ATP2C2: variants seen among roughly 807,000 people sequenced by gnomAD.
ATP2C2 encodes ATPase secretory pathway Ca2+ transporting 2.
Under a neutral mutation model 110.8 loss-of-function variants are expected in ATP2C2, and 171 were observed. The observed-to-expected ratio is 1.54, with a 90% CI of 1.36 to 1.75. The LOEUF (loss-of-function observed/expected upper bound fraction) is 1.75, where lower values mean the gene tolerates loss of function less well. Ranked by LOEUF, ATP2C2 falls within the 40% of genes most tolerant of loss-of-function variation. The pLI, the probability that ATP2C2 is intolerant of heterozygous loss-of-function variation, is 0.00. For missense variants in ATP2C2, 1,963 were observed against 1,235.0 expected (o/e 1.59, Z -8.84); for synonymous variants, 804 against 508.4 (o/e 1.58, Z -7.82).
intron 26 of ATP2C2, among the ~76,000 whole-genome samples, chr16:84,463,272 A>G (rs1474639230): frequency 6.6e-6 from 1 of 152,028 alleles, no homozygotes; most frequent in Non-Finnish European, 1.5e-5. Flanking sequence ...CAGACTGGTC[A>G]CTCAGGACAT....
intron 2 of ATP2C2, among the ~76,000 whole-genome samples, chr16:84,402,240 C>T (rs1597769245): frequency 6.6e-6 from 1 of 152,128 alleles, no homozygotes; most frequent in African/African-American, 2.4e-5. Flanking sequence ...TAGGTTTTTT[C>T]AGATATAAGA....
rs534490217 is a variant in ATP2C2 at position 84,427,600 on chromosome 16, C to A, written c.986+1799C>A. 1.8e-4 allele frequency among the ~76,000 whole-genome samples: 28 copies of A among 152,166 alleles called. No homozygotes were observed. The South Asian group carries it at 5.4e-3, about 29-fold the overall frequency. On this transcript the variant is annotated intron_variant, in intron 11 of 26. Transcript: ENST00000262429. ...GGTGTGGTGGCAGGCACCTAAAATC[C>A]CAGCTACTCGGGAGGCTGAGGCAGA...
intron 18 of ATP2C2, among the ~76,000 whole-genome samples, chr16:84,452,581 C>A (rs1910391663): frequency 6.6e-6 from 1 of 151,048 alleles, no homozygotes; most frequent in Non-Finnish European, 1.5e-5. Flanking sequence ...TCACTGCAAC[C>A]TCCACCTCCT....
intron 3 of ATP2C2, among the ~76,000 whole-genome samples, chr16:84,406,368 C>T (rs1434986609): frequency 6.6e-6 from 1 of 152,226 alleles, no homozygotes; most frequent in African/African-American, 2.4e-5. Context: ...ATTTAGATGG[C>T]CTTAGATCCC....
chr16:84,426,281 C>A (rs1907809675), intron 11 of ATP2C2, among the ~76,000 whole-genome samples: 2 of 152,040 alleles, frequency 1.3e-5, no homozygotes, highest in South Asian at 4.2e-4. Flanking sequence ...ACAATTAGAT[C>A]TCTCAGGAAC....
At chr16:84,440,118 G>A (rs531885219) in intron 13 of ATP2C2, among the ~76,000 whole-genome samples, 3 of 152,330 alleles carry the variant, frequency 2.0e-5, no homozygotes, top group South Asian at 2.1e-4. Flanking sequence ...GATTACAGGC[G>A]TGAGCCACCA....
chr16:84,408,980 A>G (rs541452031), intron 4 of ATP2C2, among the ~76,000 whole-genome samples: 43 of 152,150 alleles, frequency 2.8e-4, no homozygotes, highest in African/African-American at 8.7e-4. Context: ...GTTCCAAAAC[A>G]TTTTCATCAC....
At chr16:84,403,464 A>G (rs765138222) in intron 2 of ATP2C2, among the ~76,000 whole-genome samples, 1 of 151,052 alleles carries the variant, frequency 6.6e-6, no homozygotes, top group Non-Finnish European at 1.5e-5. Flanking sequence ...TGCCACCACA[A>G]TGGGCTAATT....
At chr16:84,401,730 A>C (rs1905336050) in intron 2 of ATP2C2, among the ~76,000 whole-genome samples, 1 of 152,138 alleles carries the variant, frequency 6.6e-6, no homozygotes, top group Non-Finnish European at 1.5e-5. Flanking sequence ...TTGGTTACTA[A>C]AGCTCTGCAG....
chr16:84,406,342 C>T (rs1004412714), intron 3 of ATP2C2, among the ~76,000 whole-genome samples: 1 of 152,236 alleles, frequency 6.6e-6, no homozygotes, highest in African/African-American at 2.4e-5. Context: ...GCAGAATTTT[C>T]CAGGTGCCTG....
rs754492893 is a variant in ATP2C2, at chr16:84,453,320, G to A, written c.1930-1G>A. On this transcript the variant is annotated splice_acceptor_variant, in intron 19 of 26. Transcript: ENST00000262429. LOFTEE classifies it high-confidence loss of function. ...TTCGTCTTCCCCGTCTCCGTGTCCAGGTGTCCGTGTTCTTCAGGACCAGCC... is the reference window on the plus strand; with the variant it reads ...TTCGTCTTCCCCGTCTCCGTGTCCAAGTGTCCGTGTTCTTCAGGACCAGCC... 1 of 1,614,170 alleles carries A rather than the reference G, an allele frequency of 6.2e-7. No homozygotes were observed. The highest frequency in any genetic ancestry group is 1.1e-5 in the South Asian group (1 of 91,078).
Position 84,412,414 on chromosome 16 carries a change from C to G in ATP2C2, c.515+1649C>G, listed in dbSNP as rs111660024. ...TGTCTGTGTGTGTCTGTGCATGTGT[C>G]TGTGTATGTGTGTGCGTGTGTGTAT... is the stretch of plus-strand genomic sequence containing the variant. On this transcript the variant is annotated intron_variant, in intron 6 of 26. Transcript: ENST00000262429. Among the ~76,000 whole-genome samples the G allele has an allele frequency of 3.4e-5, 5 of 146,868 alleles. No homozygotes were observed. In the East Asian group the frequency reaches 6.1e-4, roughly 18 times the overall value.
chr16:84,437,353 C>A (rs1229816582), intron 11 of ATP2C2, among the ~76,000 whole-genome samples: 2 of 151,762 alleles, frequency 1.3e-5, no homozygotes, highest in African/African-American at 4.8e-5. Context: ...ACTGCCACAC[C>A]CAGCTAATTT....
intron 21 of ATP2C2, among the ~76,000 whole-genome samples, chr16:84,455,902 T>C (rs923576973): frequency 7.5e-6 from 1 of 132,984 alleles, no homozygotes; most frequent in Non-Finnish European, 1.6e-5. Flanking sequence ...GTTTTTGTCT[T>C]TGGCTCTGTT....
intron 20 of ATP2C2, among the ~76,000 whole-genome samples, chr16:84,453,894 G>A (rs1910552014): frequency 6.6e-6 from 1 of 152,088 alleles, no homozygotes; most frequent in Admixed American, 6.5e-5. Context: ...AGGCTGCAGT[G>A]CAGTGGCACA....
chr16:84,438,654 C>A (rs1413892608), intron 11 of ATP2C2, among the ~76,000 whole-genome samples: 7 of 152,148 alleles, frequency 4.6e-5, no homozygotes, highest in African/African-American at 1.7e-4. Context: ...ACGCAGCAGG[C>A]AAGTGTGTCG....
At chr16:84,391,003 AC>A (rs1213258263) in intron 1 of ATP2C2, among the ~76,000 whole-genome samples, 1 of 149,496 alleles carries the variant, frequency 6.7e-6, no homozygotes, top group Non-Finnish European at 1.5e-5. Context: ...AATCCCAGCT[AC>A]TCGAGTGGGT....
rs1438508351 is a variant in ATP2C2 at position 84,453,170 on chromosome 16, C to G, written c.1864C>G (p.Gln622Glu). Residue 622 changes from glutamine to glutamate, a missense_variant, in exon 19 of 27, where the codon CAA becomes GAA. Transcript: ENST00000262429. ...RNIGLCNGKL[Q>E]AMSGEEVDSV... ...CATCGGCCTGTGCAACGGGAAGCTG[C>G]AAGCCATGTCCGGGGAGGAGGTGGA... 6.2e-7 allele frequency: 1 copy of G among 1,613,826 alleles called. No homozygotes were observed. The highest frequency in any genetic ancestry group is 8.5e-7 in the Non-Finnish European group (1 of 1,179,812).
intron 11 of ATP2C2, among the ~76,000 whole-genome samples, chr16:84,429,680 G>C (rs1908096852): frequency 6.6e-6 from 1 of 152,178 alleles, no homozygotes; most frequent in African/African-American, 2.4e-5. Flanking sequence ...GAGCTGGGAA[G>C]AGAGGCAGAG....
Sources: allele counts gnomAD v4.1 joint callset (sites outside exome capture counted in the v4.1 genomes callset), GRCh38; gene constraint gnomAD v4.1.1; transcripts MANE v1.5; gene names NCBI Gene and HGNC (gene_info 2026-07-23, HGNC 2026-07-21).